Variants in PCNX4 observed in about 807,000 individuals in gnomAD.
The protein encoded by PCNX4 is pecanex-like protein 4.
A neutral mutation model predicts 107.2 loss-of-function variants in PCNX4; 103 were observed. The observed-to-expected ratio is 0.96, with a 90% CI of 0.82 to 1.13. The LOEUF is 1.13. Among genes scored for constraint, PCNX4 ranks in the 50% most tolerant of loss-of-function variants. PCNX4 has a pLI of 0.00. For missense variants in PCNX4, 1,528 were observed against 1,379.4 expected, an observed-to-expected ratio of 1.11 and a Z score of -1.71; for synonymous variants, 541 against 481.7, an observed-to-expected ratio of 1.12 and a Z score of -1.61.
rs1285721578 is a variant in PCNX4 at position 60,124,250 on chromosome 14, T to G, written c.2079T>G (p.Thr693=). ...AATTGCAGGAAACATCCTGTCATAC[T>G]GCAGAAGCTCGCAGAGTTGATGAAG... is the stretch of plus-strand genomic sequence containing the variant. ...GLELQETSCH[T]AEARRVDEVF... The change falls in exon 9 of 11, where the codon ACT becomes ACG. Residue 693 remains threonine (T), a synonymous_variant. Coordinates refer to ENST00000406854, the MANE Select transcript of PCNX4 (RefSeq NM_001330177.2). The G allele has an allele frequency of 1.1e-5, 18 of 1,599,408 alleles. No individual in the cohort carries two copies. The highest frequency in any genetic ancestry group is 1.5e-5 in the Non-Finnish European group (17 of 1,172,318).
chr14:60,112,902 G>A (rs1458514044), intron 2 of PCNX4, among the ~76,000 whole-genome samples: 1 of 152,174 alleles, frequency 6.6e-6, no homozygotes, highest in Non-Finnish European at 1.5e-5. Flanking sequence ...TAAAAATTTG[G>A]TCCAGGCGCG....
chr14:60,122,906 A>G (rs1357071902), intron 8 of PCNX4, among the ~76,000 whole-genome samples: 1 of 152,172 alleles, frequency 6.6e-6, no homozygotes, highest in Non-Finnish European at 1.5e-5. Flanking sequence ...GTGGTTCTCA[A>G]AATGCAGTGC....
rs1399717603 is a variant in PCNX4, at chr14:60,138,781, G to T, written c.*4560G>T. ...AAAGGTTAGAGATAAAGGTAGGAAT[G>T]AACAGTAATTTAAAAATATATATAT... On this transcript the variant is annotated 3_prime_UTR_variant, in exon 11 of 11. Coordinates refer to ENST00000406854, the MANE Select transcript of PCNX4 (RefSeq NM_001330177.2). The T allele has an allele frequency of 3.3e-5, 5 of 152,068 alleles. No homozygotes were observed. The highest frequency in any genetic ancestry group is 7.2e-5 in the African/African-American group (3 of 41,424). The allele number at this position is 152,068 out of a possible 1,614,324, so 9.4% of individuals were successfully genotyped here. A position where few individuals can be genotyped will look rare whatever the true frequency, so the allele number is the denominator to read the frequency against.
chr14:60,131,435 A>C (rs547137388), intron 10 of PCNX4, among the ~76,000 whole-genome samples: 1 of 152,222 alleles, frequency 6.6e-6, no homozygotes, highest in South Asian at 2.1e-4. Flanking sequence ...AACAAACCAA[A>C]AATGAAGTTA....
At position 60,115,726 on chromosome 14, in the gene PCNX4, T is replaced by C; in HGVS notation, c.1365T>C (p.Pro455=). The change falls in exon 5 of 11, where the codon CCT becomes CCC. Residue 455 remains proline, a synonymous_variant. Transcript: ENST00000406854. Reference sequence around the variant, plus strand: ...CTTTTTGTTTTGTTTTAGTATCACCTTTTGCCATGATAGCATTTCTTTCAT... The same window carrying C: ...CTTTTTGTTTTGTTTTAGTATCACCCTTTGCCATGATAGCATTTCTTTCAT... The part of the protein sequence containing the change: ...VRRILLTLVS[P]FAMIAFLSLD... The C allele has an allele frequency of 6.2e-7, 1 of 1,611,410 alleles. No individual in the cohort carries two copies. Among genetic ancestry groups the C allele is most frequent in the Non-Finnish European group, 8.5e-7 (1 of 1,178,116 alleles).
chr14:60,135,767 G>A lies in PCNX4; in HGVS notation c.*1546G>A, dbSNP rs187239675. On this transcript the variant is annotated 3_prime_UTR_variant, in exon 11 of 11. Coordinates refer to ENST00000406854, the MANE Select transcript of PCNX4 (RefSeq NM_001330177.2). ...GAGTTTCACCATGTTGGCCAGGCTG[G>A]TCTCGAACTCTTGACCTCATGCTCC... 6.6e-6 allele frequency: 1 copy of A among 152,282 alleles called. No individual in the cohort carries two copies. Among genetic ancestry groups the A allele is most frequent in the Non-Finnish European group, 1.5e-5 (1 of 68,052 alleles). The allele number at this position is 152,282 out of a possible 1,614,324, so 9.4% of individuals were successfully genotyped here.
chr14:60,118,731 G>A (rs2140554261), intron 7 of PCNX4, 39 bp downstream of exon 7: 6 of 1,492,748 alleles, frequency 4.0e-6, no homozygotes, highest in Non-Finnish European at 5.4e-6. Context: ...TCTCACTAAT[G>A]TATTTAAAGT....
At chr14:60,102,038 G>T (rs1273197831) in intron 1 of PCNX4, among the ~76,000 whole-genome samples, 1 of 152,202 alleles carries the variant, frequency 6.6e-6, no homozygotes, top group Non-Finnish European at 1.5e-5. Context: ...CTCTAAATCA[G>T]TGAGTAGAAT....
intron 1 of PCNX4, among the ~76,000 whole-genome samples, chr14:60,097,807 T>G (rs1895453335): frequency 6.6e-6 from 1 of 152,226 alleles, no homozygotes; most frequent in South Asian, 2.1e-4. Flanking sequence ...TCAAAGATTT[T>G]TAGCTGACAG....
At position 60,108,140 on chromosome 14, in the gene PCNX4, G is replaced by C; in HGVS notation, c.502G>C (p.Gly168Arg). 1 of 1,612,824 alleles carries C rather than the reference G, an allele frequency of 6.2e-7. No homozygotes were observed. Among genetic ancestry groups the C allele is most frequent in the Non-Finnish European group, 8.5e-7 (1 of 1,179,858 alleles). Reference protein sequence around the residue: ...LLPNRITLLYGSTGGTALLFF... With the variant: ...LLPNRITLLYRSTGGTALLFF... ...CCCAAATAGAATAACCTTGCTGTAT[G>C]GCAGTACAGGAGGCACTGCTCTACT... Residue 168 changes from glycine to arginine, a missense_variant, in exon 2 of 11, where the codon GGC becomes CGC. Gly to Arg is a moderately radical substitution (Grantham distance 125, BLOSUM62 -2). Coordinates refer to ENST00000406854, the MANE Select transcript of PCNX4 (RefSeq NM_001330177.2).
intron 1 of PCNX4, among the ~76,000 whole-genome samples, chr14:60,102,194 A>T (rs1325380498): frequency 6.6e-6 from 1 of 152,208 alleles, no homozygotes; most frequent in East Asian, 1.9e-4. Context: ...GTACACTTAA[A>T]TGTTTAACAG....
Position 60,094,611 on chromosome 14 carries a change from C to G in PCNX4, c.-54+2192C>G, listed in dbSNP as rs75396460. On this transcript the variant is annotated intron_variant, in intron 1 of 10. Coordinates refer to ENST00000406854, the MANE Select transcript of PCNX4 (RefSeq NM_001330177.2). ...CCAAACCACCTGATCATAGGAACAT[C>G]TTAATATCCTGCCGGGCAGCAAACC... 7.7e-4 allele frequency among the ~76,000 whole-genome samples: 118 copies of G among 152,280 alleles called. No individual in the cohort carries two copies. In the East Asian group the frequency reaches 0.02, roughly 26 times the overall value.
chr14:60,108,043 A>G lies in PCNX4; in HGVS notation c.405A>G (p.Lys135=), dbSNP rs763660190. Residue 135 remains lysine (K), a synonymous_variant, in exon 2 of 11, where the codon AAA becomes AAG. Transcript: ENST00000406854. ...ETVKFLIPGK[K]YVANTVFHSI... is the part of the protein sequence containing the mutation. The stretch of plus-strand genomic sequence containing the variant: ...TCAAATTTCTCATTCCTGGCAAGAA[A>G]TATGTAGCCAATACAGTTTTTCATT... The G allele has an allele frequency of 2.5e-6, 4 of 1,612,786 alleles. No homozygotes were observed. The South Asian group carries it at 3.3e-5, about 13-fold the overall frequency.
At chr14:60,094,750 G>A (rs973597741) in intron 1 of PCNX4, among the ~76,000 whole-genome samples, 4 of 104,148 alleles carry the variant, frequency 3.8e-5, no homozygotes, top group Non-Finnish European at 8.9e-5. Flanking sequence ...ATATACTTGT[G>A]TTGCTGTAGA....
At position 60,109,295 on chromosome 14, in the gene PCNX4, T is replaced by C. The variant is rs564935808; in HGVS notation, c.689+968T>C. ...GATGTTGTTTAAGCCACTCAGCTTA[T>C]GGCATTTTTTTATGGCAGCCCATGC... On this transcript the variant is annotated intron_variant, in intron 2 of 10. Transcript: ENST00000406854. 4.8e-5 allele frequency: 8 copies of C among 167,262 alleles called. No individual in the cohort carries two copies. The East Asian group carries it at 1.5e-3, about 32-fold the overall frequency. 10.4% of individuals were successfully genotyped at this position (167,262 alleles called of 1,614,324 possible). A position where few individuals can be genotyped will look rare whatever the true frequency, so the allele number is the denominator to read the frequency against.
At chr14:60,109,728 A>G (rs991794156) in intron 2 of PCNX4, 3 of 167,302 alleles carry the variant, frequency 1.8e-5, no homozygotes, top group African/African-American at 7.2e-5. Flanking sequence ...GGCTTGAGCC[A>G]TCACACCCAG....
At chr14:60,096,886 C>T (rs758506202) in intron 1 of PCNX4, among the ~76,000 whole-genome samples, 2 of 152,126 alleles carry the variant, frequency 1.3e-5, no homozygotes, top group East Asian at 1.9e-4. Flanking sequence ...GTACTGTATC[C>T]AAATAATTAA....
Position 60,125,099 on chromosome 14 carries a change from G to A in PCNX4, c.2928G>A (p.Met976Ile). Residue 976 changes from methionine to isoleucine, a missense_variant, in exon 9 of 11, where the codon ATG becomes ATA. By Grantham distance (10) the Met-to-Ile change is conservative. Transcript: ENST00000406854. ...AAGACTTTTATGTTCATACAGTAAT[G>A]ACTTGTTATTTTAGTTTATTTGGAA... Reference protein sequence around the residue: ...VLKDFYVHTVMTCYFSLFGID... With the variant: ...VLKDFYVHTVITCYFSLFGID... The A allele has an allele frequency of 6.2e-7, 1 of 1,613,328 alleles. No individual in the cohort carries two copies.
Position 60,107,714 on chromosome 14 carries a change from G to A in PCNX4, c.76G>A (p.Gly26Arg), listed in dbSNP as rs1566931532. ...FLKRFPQTVLGGPRFKLGYCA... is the reference protein window; with the variant it reads ...FLKRFPQTVLRGPRFKLGYCA... ...GAAGCGCTTTCCACAGACTGTTCTT[G>A]GAGGCCCTCGATTCAAATTAGGCTA... The change falls in exon 2 of 11, where the codon GGA (glycine) becomes AGA (arginine). Residue 26 changes from glycine to arginine, a missense_variant. By Grantham distance (125) the Gly-to-Arg change is moderately radical. Coordinates refer to ENST00000406854, the MANE Select transcript of PCNX4 (RefSeq NM_001330177.2). 1.2e-6 allele frequency: 2 copies of A among 1,612,748 alleles called. No individual in the cohort carries two copies. The highest frequency in any genetic ancestry group is 1.7e-6 in the Non-Finnish European group (2 of 1,179,830).
Sources: allele counts gnomAD v4.1 joint callset (sites outside exome capture counted in the v4.1 genomes callset), GRCh38; gene constraint gnomAD v4.1.1; transcripts MANE v1.5; gene names NCBI Gene and HGNC (gene_info 2026-07-23, HGNC 2026-07-21).